Variants in GRID2 observed in about 807,000 individuals in gnomAD.
GRID2 encodes the protein glutamate receptor ionotropic, delta-2.
GRID2 carries 33 observed loss-of-function variants against 114.8 expected under a neutral mutation model. That is an observed-to-expected ratio of 0.29 (90% CI 0.22 to 0.38). The LOEUF is 0.38. Among genes scored for constraint, GRID2 ranks in the 10% least tolerant of loss-of-function variants. The pLI, the probability that GRID2 is intolerant of heterozygous loss-of-function variation, is 1.00. For synonymous variants in GRID2, 505 were observed against 449.9 expected (o/e 1.12, Z -1.55); for missense variants, 1,184 against 1,257.7 (o/e 0.94, Z 0.89).
chr4:93,242,371 T>C (rs1411646241), intron 8 of GRID2, among the ~76,000 whole-genome samples: 1 of 151,942 alleles, frequency 6.6e-6, no homozygotes, highest in Non-Finnish European at 1.5e-5. Flanking sequence ...AGTACTAATC[T>C]ACACAGTTGT....
chr4:92,788,166 G>C (rs1739410443), intron 2 of GRID2, among the ~76,000 whole-genome samples: 2 of 151,562 alleles, frequency 1.3e-5, no homozygotes, highest in South Asian at 4.2e-4. Flanking sequence ...ATTTCTCTGG[G>C]GTATTCTAGC....
intron 2 of GRID2, among the ~76,000 whole-genome samples, chr4:92,718,761 C>CAAAAAAA (rs3077559): frequency 1.7e-4 from 7 of 41,764 alleles, no homozygotes; most frequent in Admixed American, 3.1e-4. Flanking sequence ...AGACCCTGTC[C>CAAAAAAA]AAAAAAAAAA....
At chr4:93,373,783 G>T (rs1206413926) in intron 8 of GRID2, among the ~76,000 whole-genome samples, 1 of 152,148 alleles carries the variant, frequency 6.6e-6, no homozygotes, top group Non-Finnish European at 1.5e-5. Context: ...GGGAGAACTG[G>T]GAAAATGGTC....
At chr4:92,492,794 G>T (rs1723204105) in intron 1 of GRID2, among the ~76,000 whole-genome samples, 2 of 152,036 alleles carry the variant, frequency 1.3e-5, no homozygotes, top group Admixed American at 6.6e-5. Context: ...CGTTTAAAAG[G>T]TTGCATAATA....
At chr4:92,786,482 T>A (rs1221717852) in intron 2 of GRID2, among the ~76,000 whole-genome samples, 2 of 151,862 alleles carry the variant, frequency 1.3e-5, no homozygotes, top group East Asian at 1.9e-4. Context: ...CCTAGATATG[T>A]GCTGTCACCA....
intron 14 of GRID2, among the ~76,000 whole-genome samples, chr4:93,749,165 C>T (rs1355952119): frequency 6.6e-6 from 1 of 152,096 alleles, no homozygotes; most frequent in African/African-American, 2.4e-5. Context: ...AGAGAATATG[C>T]AGAGGTTAGG....
At chr4:93,647,486 G>A (rs1229871872) in intron 14 of GRID2, among the ~76,000 whole-genome samples, 1 of 152,186 alleles carries the variant, frequency 6.6e-6, no homozygotes, top group Non-Finnish European at 1.5e-5. Context: ...CCTTGTGACA[G>A]AAGTGTCCTG....
intron 2 of GRID2, among the ~76,000 whole-genome samples, chr4:92,598,207 A>G (rs559389779): frequency 1.8e-4 from 27 of 152,134 alleles, no homozygotes; most frequent in African/African-American, 6.0e-4. Flanking sequence ...ATATTCTGGG[A>G]AAAAAAAGAA....
In GRID2 at chr4:92,999,394, C is replaced by T. The variant is rs560951560; in HGVS notation, c.245-85601C>T. Reference sequence around the variant, plus strand: ...TAACAGATTTTTAACAGGATACTCACCTTCTGGGAAACCTGTTAGTCCTTG... The same window carrying T: ...TAACAGATTTTTAACAGGATACTCATCTTCTGGGAAACCTGTTAGTCCTTG... On this transcript the variant is annotated intron_variant, in intron 2 of 15. Coordinates refer to ENST00000282020, the MANE Select transcript of GRID2 (RefSeq NM_001510.4). Among the ~76,000 whole-genome samples, 48 of 151,928 alleles carry T rather than the reference C, an allele frequency of 3.2e-4. 2 individuals are homozygous for T. The South Asian group carries it at 9.1e-3, about 29-fold the overall frequency.
At chr4:92,695,923 A>T (rs1158189151) in intron 2 of GRID2, among the ~76,000 whole-genome samples, 1 of 152,166 alleles carries the variant, frequency 6.6e-6, no homozygotes, top group Non-Finnish European at 1.5e-5. Flanking sequence ...CGATATATTA[A>T]ACAATTTATT....
At chr4:93,267,873 G>T (rs1049919561) in intron 8 of GRID2, among the ~76,000 whole-genome samples, 1 of 152,170 alleles carries the variant, frequency 6.6e-6, no homozygotes, top group African/African-American at 2.4e-5. Context: ...GCTAGGATTG[G>T]TGTGGCACCC....
chr4:93,028,891 G>A (rs560301889), intron 2 of GRID2, among the ~76,000 whole-genome samples: 156 of 152,008 alleles, frequency 1.0e-3, no homozygotes, highest in Non-Finnish European at 1.8e-3. Flanking sequence ...AATTTCTGAA[G>A]CCCAGAAAAA....
At chr4:92,925,694 C>A (rs560739840) in intron 2 of GRID2, among the ~76,000 whole-genome samples, 162 of 152,070 alleles carry the variant, frequency 1.1e-3, no homozygotes, top group South Asian at 7.5e-3. Flanking sequence ...CATGTATTAA[C>A]TTGAAATTCC....
intron 1 of GRID2, among the ~76,000 whole-genome samples, chr4:92,489,990 C>T (rs186787302): frequency 8.4e-4 from 127 of 152,020 alleles, no homozygotes; most frequent in Non-Finnish European, 1.7e-3. Flanking sequence ...AACAAGGAAA[C>T]TAAAAATATG....
chr4:93,081,198 T>C (rs190481512), intron 2 of GRID2, among the ~76,000 whole-genome samples: 39 of 152,172 alleles, frequency 2.6e-4, no homozygotes, highest in Admixed American at 1.2e-3. Flanking sequence ...GACAAATTGG[T>C]AAATATAAAT....
At chr4:92,611,562 A>G (rs1729745309) in intron 2 of GRID2, among the ~76,000 whole-genome samples, 1 of 151,578 alleles carries the variant, frequency 6.6e-6, no homozygotes. Context: ...ATTCAGTCAT[A>G]GCATCTTACT....
At chr4:93,102,501 T>G (rs1189708039) in intron 3 of GRID2, among the ~76,000 whole-genome samples, 2 of 152,058 alleles carry the variant, frequency 1.3e-5, no homozygotes, top group Non-Finnish European at 2.9e-5. Context: ...CACTGCATAC[T>G]GAAAACATTG....
In GRID2 at chr4:93,307,939, A is replaced by AT. The variant is rs60212324; in HGVS notation, c.1245+69460dup. Among the ~76,000 whole-genome samples the AT allele has an allele frequency of 3.5e-3, 509 of 147,526 alleles. 10 individuals are homozygous for AT. Among genetic ancestry groups the AT allele is most frequent in the African/African-American group, 0.011 (447 of 39,604 alleles). On this transcript the variant is annotated intron_variant, in intron 8 of 15. Coordinates refer to ENST00000282020, the MANE Select transcript of GRID2 (RefSeq NM_001510.4). ...TACCTATTGTATTAATTTCTTTCTG[A>AT]TTTTTTTTTTTAAAAACTTTTATTA...
chr4:93,708,874 G>A (rs572076556), intron 14 of GRID2, among the ~76,000 whole-genome samples: 97 of 151,354 alleles, frequency 6.4e-4, no homozygotes, highest in African/African-American at 2.3e-3. Flanking sequence ...CAGAGTTTTT[G>A]ATTTAAGGTT....
Sources: gnomAD v4.1 joint callset for allele counts (sites outside exome capture counted in the v4.1 genomes callset) on GRCh38, gnomAD v4.1.1 for gene constraint, MANE v1.5 for transcripts, NCBI Gene and HGNC (gene_info 2026-07-23, HGNC 2026-07-21) for gene names.